Variants in DTNBP1 observed in about 807,000 individuals in gnomAD.
The protein encoded by DTNBP1 is dystrobrevin binding protein 1.
In DTNBP1, 35 loss-of-function variants were observed where a neutral mutation model predicts 42.8. The observed-to-expected ratio is 0.82, with a 90% CI of 0.63 to 1.09. DTNBP1 has a LOEUF of 1.09. DTNBP1 is among the 50% of genes least tolerant of loss of function. The pLI, the probability that DTNBP1 is intolerant of heterozygous loss-of-function variation, is 0.00. For missense variants in DTNBP1, 457 were observed against 424.2 expected, an observed-to-expected ratio of 1.08 and a Z score of -0.68; for synonymous variants, 171 against 162.2, an observed-to-expected ratio of 1.05 and a Z score of -0.41.
chr6:15,635,196 G>C (rs918669311), intron 4 of DTNBP1, among the ~76,000 whole-genome samples: 1 of 152,006 alleles, frequency 6.6e-6, no homozygotes, highest in Non-Finnish European at 1.5e-5. Flanking sequence ...TCGGCTCATT[G>C]CAACCTCTGC....
At chr6:15,583,009 T>G (rs1775904898) in intron 7 of DTNBP1, among the ~76,000 whole-genome samples, 1 of 152,218 alleles carries the variant, frequency 6.6e-6, no homozygotes, top group Admixed American at 6.5e-5. Flanking sequence ...AGACAGGGTC[T>G]TGCTCTGTTG....
intron 8 of DTNBP1, among the ~76,000 whole-genome samples, chr6:15,530,849 T>C (rs934031721): frequency 6.6e-6 from 1 of 152,146 alleles, no homozygotes; most frequent in African/African-American, 2.4e-5. Context: ...ACATGAGACA[T>C]TGGTGCGATG....
intron 7 of DTNBP1, among the ~76,000 whole-genome samples, chr6:15,556,754 T>C (rs1774546830): frequency 1.3e-5 from 2 of 152,122 alleles, no homozygotes; most frequent in African/African-American, 2.4e-5. Context: ...CTATTTTCCC[T>C]TCCCTCCTTC....
chr6:15,569,478 C>A (rs1227464222), intron 7 of DTNBP1, among the ~76,000 whole-genome samples: 1 of 151,664 alleles, frequency 6.6e-6, no homozygotes, highest in Non-Finnish European at 1.5e-5. Flanking sequence ...CCACTCCAAA[C>A]CCCTTAAAAT....
At chr6:15,622,366 A>T (rs1230999457) in intron 5 of DTNBP1, among the ~76,000 whole-genome samples, 4 of 152,172 alleles carry the variant, frequency 2.6e-5, no homozygotes, top group Non-Finnish European at 5.9e-5. Context: ...AAATAATTGC[A>T]TTGAAAAAAA....
intron 7 of DTNBP1, among the ~76,000 whole-genome samples, chr6:15,571,167 A>G (rs1775323420): frequency 6.6e-6 from 1 of 152,224 alleles, no homozygotes; most frequent in African/African-American, 2.4e-5. Flanking sequence ...AAGACCTTCC[A>G]CTGGCCATTT....
chr6:15,532,312 G>T (rs999124137), intron 8 of DTNBP1, among the ~76,000 whole-genome samples: 1 of 152,170 alleles, frequency 6.6e-6, no homozygotes, highest in South Asian at 2.1e-4. Context: ...GAAGGAGTTC[G>T]GTGTCTGGAC....
chr6:15,573,063 T>A (rs1775407661), intron 7 of DTNBP1, among the ~76,000 whole-genome samples: 1 of 152,220 alleles, frequency 6.6e-6, no homozygotes, highest in South Asian at 2.1e-4. Flanking sequence ...CTACACTGCC[T>A]AATATGTACA....
intron 7 of DTNBP1, among the ~76,000 whole-genome samples, chr6:15,578,510 A>G (rs970765756): frequency 1.3e-5 from 2 of 152,160 alleles, no homozygotes; most frequent in African/African-American, 2.4e-5. Flanking sequence ...GAATTTAACC[A>G]ATTACATTTT....
At chr6:15,539,106 T>C (rs115369339) in intron 7 of DTNBP1, among the ~76,000 whole-genome samples, 53 of 152,364 alleles carry the variant, frequency 3.5e-4, no homozygotes, top group African/African-American at 1.3e-3. Flanking sequence ...AGGTACAGTG[T>C]CTAATACTTA....
intron 7 of DTNBP1, among the ~76,000 whole-genome samples, chr6:15,568,690 T>G (rs1775205423): frequency 6.6e-6 from 1 of 152,228 alleles, no homozygotes; most frequent in South Asian, 2.1e-4. Flanking sequence ...ACGAAGATCT[T>G]CATAATGGTC....
intron 9 of DTNBP1, chr6:15,523,857 A>G: frequency 3.1e-6 from 4 of 1,287,234 alleles, no homozygotes; most frequent in Non-Finnish European, 4.0e-6. Flanking sequence ...TGAGAAGTTT[A>G]GAGGAAGCTG....
chr6:15,527,886 C>A (rs1030845826), intron 8 of DTNBP1, among the ~76,000 whole-genome samples: 1 of 152,030 alleles, frequency 6.6e-6, no homozygotes, highest in East Asian at 1.9e-4. Flanking sequence ...GGAAAACTTG[C>A]CAAAATTAAC....
intron 8 of DTNBP1, among the ~76,000 whole-genome samples, chr6:15,530,113 C>T (rs186160479): frequency 6.6e-6 from 1 of 152,390 alleles, no homozygotes; most frequent in South Asian, 2.1e-4. Context: ...ACTGCTATTT[C>T]TGATTTAGTG....
At chr6:15,605,068 G>A (rs1234871089) in intron 6 of DTNBP1, among the ~76,000 whole-genome samples, 1 of 152,180 alleles carries the variant, frequency 6.6e-6, no homozygotes, top group African/African-American at 2.4e-5. Context: ...TGTTCTTCAA[G>A]ATGTTACTAT....
At chr6:15,614,938 C>T in intron 6 of DTNBP1, 2 of 401,594 alleles carry the variant, frequency 5.0e-6, no homozygotes, top group South Asian at 4.0e-5. Flanking sequence ...AGGAGAAGAG[C>T]AGGAAAAGAA....
At position 15,522,900 on chromosome 6, in the gene DTNBP1, C is replaced by T; in HGVS notation, c.*75G>A. 1.2e-6 allele frequency: 2 copies of T among 1,613,414 alleles called. No individual in the cohort carries two copies. The highest frequency in any genetic ancestry group is 2.2e-5 in the South Asian group (2 of 90,850). ...AAATCAAGAACCTCTATAAAACAAC[C>T]TGGCTTTCCAGGTGGAATTCCGCAT... On this transcript the variant is annotated 3_prime_UTR_variant, in exon 10 of 10. Transcript: ENST00000344537.
At chr6:15,590,266 C>T (rs760422516) in intron 7 of DTNBP1, among the ~76,000 whole-genome samples, 1 of 151,962 alleles carries the variant, frequency 6.6e-6, no homozygotes, top group African/African-American at 2.4e-5. Context: ...AATTCGGATT[C>T]AACCTTTACA....
intron 7 of DTNBP1, among the ~76,000 whole-genome samples, chr6:15,556,906 G>T (rs1034517802): frequency 2.0e-5 from 3 of 152,114 alleles, no homozygotes; most frequent in African/African-American, 7.2e-5. Context: ...ACTTTGAATG[G>T]ATTAAATGCT....
Sources: allele counts gnomAD v4.1 joint callset (sites outside exome capture counted in the v4.1 genomes callset), GRCh38; gene constraint gnomAD v4.1.1; transcripts MANE v1.5; gene names NCBI Gene and HGNC (gene_info 2026-07-23, HGNC 2026-07-21).